The following FAAH2 variants were observed in gnomAD, a reference collection of about 807,000 sequenced individuals.
FAAH2 encodes fatty acid amide hydrolase 2.
Under a neutral mutation model 36.9 loss-of-function variants are expected in FAAH2, and 60 were observed. That is an observed-to-expected ratio of 1.63 (90% confidence interval 1.32 to 2.02). FAAH2 has a LOEUF of 2.02. FAAH2 is among the 30% of genes most tolerant of loss of function. The pLI, the probability that FAAH2 is intolerant of heterozygous loss-of-function variation, is 0.00. For synonymous variants in FAAH2, 214 were observed against 143.8 expected (o/e 1.49, Z -3.49); for missense variants, 689 against 397.5 (o/e 1.73, Z -6.23).
chrX:57,402,175 T>C (rs2055453689), intron 7 of FAAH2, among the ~76,000 whole-genome samples: 1 of 112,192 alleles, frequency 8.9e-6, no homozygotes, highest in Admixed American at 9.4e-5. Flanking sequence ...TGCTGGATCA[T>C]CTGGTTAGTG....
the FAAH2 span, among the ~76,000 whole-genome samples, chrX:57,203,207 A>G: frequency 2.9e-4 from 33 of 112,291 alleles, no homozygotes; most frequent in South Asian, 4.8e-3. Context: ...GTTTCTATAG[A>G]TTATAGATTT....
chrX:57,279,768 A>G, the FAAH2 span, among the ~76,000 whole-genome samples: 1 of 112,084 alleles, frequency 8.9e-6, no homozygotes, highest in Non-Finnish European at 1.9e-5. Context: ...TAGATGGAGA[A>G]CAGGCTTTCA....
At position 57,290,846 on chromosome X, in the gene FAAH2, G is replaced by T. The variant is rs764805398; in HGVS notation, c.193-1652G>T. ...TGATAAGAAATGATCCTCTTTTTGT[G>T]AATTTCCTGATAATTTGCCATTTTA... is the stretch of plus-strand genomic sequence containing the variant. On this transcript the variant is annotated intron_variant, in intron 1 of 10. Transcript: ENST00000374900. Among the ~76,000 whole-genome samples, 14 of 111,394 alleles carry T rather than the reference G, an allele frequency of 1.3e-4. No homozygotes were observed. In the East Asian group the frequency reaches 3.6e-3, roughly 29 times the overall value.
intron 10 of FAAH2, among the ~76,000 whole-genome samples, chrX:57,472,819 C>T (rs2057194278): frequency 9.0e-6 from 1 of 110,990 alleles, no homozygotes; most frequent in African/African-American, 3.3e-5. Flanking sequence ...ATAGAATTGT[C>T]CATATTAGTC....
the FAAH2 span, among the ~76,000 whole-genome samples, chrX:57,210,778 G>A: frequency 2.4e-3 from 273 of 112,341 alleles, 1 homozygote; most frequent in Non-Finnish European, 4.2e-3. Context: ...AGAAATGAAA[G>A]CCATAGAAAT....
At chrX:57,226,204 TG>T in the FAAH2 span, among the ~76,000 whole-genome samples, 1 of 112,066 alleles carries the variant, frequency 8.9e-6, no homozygotes. Context: ...ACTTTGTTTT[TG>T]TTGTTGTTGT....
chrX:57,327,548 C>G (rs963925148), intron 3 of FAAH2, among the ~76,000 whole-genome samples: 2 of 109,976 alleles, frequency 1.8e-5, no homozygotes, highest in African/African-American at 6.6e-5. Context: ...CTTTTTATTC[C>G]TTTTTCTCTA....
chrX:57,228,131 C>T, the FAAH2 span, among the ~76,000 whole-genome samples: 1 of 112,065 alleles, frequency 8.9e-6, no homozygotes, highest in Admixed American at 9.4e-5. Context: ...AAACTGGATT[C>T]GCGCCCTCCC....
intron 7 of FAAH2, among the ~76,000 whole-genome samples, chrX:57,412,738 C>G (rs1036977589): frequency 4.5e-5 from 5 of 111,689 alleles, no homozygotes; most frequent in Admixed American, 9.5e-5. Flanking sequence ...GGTATATACC[C>G]AGTAATGGGA....
rs987015806 is a variant in FAAH2 at position 57,437,733 on chromosome X, TTA to T, written c.1116+5704_1116+5705del. 1.2e-4 allele frequency among the ~76,000 whole-genome samples: 12 copies of T among 103,027 alleles called. No homozygotes were observed. In the East Asian group the frequency reaches 1.2e-3, roughly 10 times the overall value. 89.5% of individuals were successfully genotyped at this position (103,027 alleles called of 115,157 possible). On this transcript the variant is annotated intron_variant, in intron 8 of 10. Coordinates refer to ENST00000374900, the MANE Select transcript of FAAH2 (RefSeq NM_174912.4). ...ATATAACATATTTATATATTATATATTATATATATTATTTATATTTATATTTA... is the reference window on the plus strand; with the variant it reads ...ATATAACATATTTATATATTATATATTATATATTATTTATATTTATATTTA...
chrX:57,166,636 G>A, the FAAH2 span, among the ~76,000 whole-genome samples: 2 of 112,314 alleles, frequency 1.8e-5, no homozygotes, highest in African/African-American at 3.2e-5. Context: ...CTACACCTAT[G>A]GTTTTGGTCA....
chrX:57,382,643 G>T (rs915088682), intron 7 of FAAH2, among the ~76,000 whole-genome samples: 1 of 111,503 alleles, frequency 9.0e-6, no homozygotes, highest in Non-Finnish European at 1.9e-5. Context: ...TTGAATCTCT[G>T]AATAGACCAA....
At chrX:57,311,890 A>T (rs2052704760) in intron 3 of FAAH2, among the ~76,000 whole-genome samples, 1 of 112,108 alleles carries the variant, frequency 8.9e-6, no homozygotes, top group Admixed American at 9.4e-5. Context: ...ACAGCGTGCT[A>T]CTTGAGAGTA....
chrX:57,350,872 G>T (rs750725158), intron 5 of FAAH2, among the ~76,000 whole-genome samples: 8 of 111,577 alleles, frequency 7.2e-5, no homozygotes, highest in Non-Finnish European at 1.5e-4. Context: ...AGAGGAGATA[G>T]ATTGCAATAC....
chrX:57,137,262 C>G, the FAAH2 span: 48 of 760,385 alleles, frequency 6.3e-5, no homozygotes, highest in Admixed American at 1.4e-3. Context: ...TCGGATACCT[C>G]GATGCTGCCT....
chrX:57,199,706 G>T, the FAAH2 span, among the ~76,000 whole-genome samples: 7,936 of 111,093 alleles, frequency 0.071, 702 homozygotes, highest in African/African-American at 0.25. Context: ...TTATTGTGTT[G>T]TAATCTATCT....
At chrX:57,295,107 G>A (rs1478111235) in intron 2 of FAAH2, among the ~76,000 whole-genome samples, 1 of 111,698 alleles carries the variant, frequency 9.0e-6, no homozygotes, top group East Asian at 2.8e-4. Flanking sequence ...AGAGGGTGTT[G>A]CCTGGCTGCT....
intron 5 of FAAH2, among the ~76,000 whole-genome samples, chrX:57,363,888 C>A (rs765289901): frequency 9.0e-6 from 1 of 110,567 alleles, no homozygotes; most frequent in African/African-American, 3.3e-5. Flanking sequence ...ATATGTTGAG[C>A]AATCTCTGCA....
chrX:57,329,612 G>A (rs1475091941), intron 3 of FAAH2, among the ~76,000 whole-genome samples: 1 of 107,453 alleles, frequency 9.3e-6, no homozygotes. Context: ...TGGTAGAGAA[G>A]GGAAGACAAG....
Sources: gnomAD v4.1 joint callset for allele counts (sites outside exome capture counted in the v4.1 genomes callset) on GRCh38, gnomAD v4.1.1 for gene constraint, MANE v1.5 for transcripts, NCBI Gene and HGNC (gene_info 2026-07-23, HGNC 2026-07-21) for gene names.